SPAG16: variants seen among roughly 807,000 people sequenced by gnomAD.
SPAG16 encodes sperm-associated antigen 16 protein.
SPAG16 carries 86 observed loss-of-function variants against 80.4 expected under a neutral mutation model. That is an observed-to-expected ratio of 1.07 (90% CI 0.90 to 1.28). The LOEUF (loss-of-function observed/expected upper bound fraction) is 1.28, where lower values mean the gene tolerates loss of function less well. SPAG16 is among the 50% of genes most tolerant of loss of function. The pLI, the probability that SPAG16 is intolerant of heterozygous loss-of-function variation, is 0.00. For synonymous variants in SPAG16, 294 were observed against 265.9 expected (o/e 1.11, Z -1.03); for missense variants, 870 against 765.3 (o/e 1.14, Z -1.61).
intron 15 of SPAG16, among the ~76,000 whole-genome samples, chr2:214,276,055 C>G (rs1267223402): frequency 1.3e-5 from 2 of 152,162 alleles, no homozygotes; most frequent in East Asian, 1.9e-4. Flanking sequence ...TAATGGCCTT[C>G]TTTGTCTCAT....
chr2:213,496,552 C>T (rs903500229), intron 10 of SPAG16, among the ~76,000 whole-genome samples: 9 of 151,756 alleles, frequency 5.9e-5, no homozygotes, highest in Admixed American at 3.9e-4. Context: ...GAAACAGACA[C>T]CAGAAATAAA....
At chr2:214,180,747 A>G (rs1166882912) in intron 15 of SPAG16, among the ~76,000 whole-genome samples, 1 of 151,696 alleles carries the variant, frequency 6.6e-6, no homozygotes, top group African/African-American at 2.4e-5. Flanking sequence ...TCTTTGCAGT[A>G]TGGGCTCTGA....
At chr2:213,770,469 T>C (rs980744758) in intron 10 of SPAG16, among the ~76,000 whole-genome samples, 2 of 152,172 alleles carry the variant, frequency 1.3e-5, no homozygotes, top group African/African-American at 2.4e-5. Flanking sequence ...TTTAATTTAA[T>C]TTTAAGTTCC....
chr2:214,296,228 A>AATT, intron 15 of SPAG16, among the ~76,000 whole-genome samples: 1 of 152,344 alleles, frequency 6.6e-6, no homozygotes, highest in South Asian at 2.1e-4. Flanking sequence ...CAGAAAACAT[A>AATT]ATTTCATTCT....
At chr2:213,389,911 A>T (rs74654633) in intron 9 of SPAG16, among the ~76,000 whole-genome samples, 2,193 of 152,284 alleles carry the variant, frequency 0.014, 60 homozygotes, top group Non-Finnish European at 0.017. Flanking sequence ...TGAAAGCAGC[A>T]TGTTAAAAAG....
chr2:213,676,145 G>A (rs1189154280), intron 10 of SPAG16, among the ~76,000 whole-genome samples: 1 of 151,308 alleles, frequency 6.6e-6, no homozygotes, highest in East Asian at 1.9e-4. Flanking sequence ...TCTCTTTGAA[G>A]CAATTGTGAA....
chr2:214,400,599 C>T (rs1320279098), intron 15 of SPAG16, among the ~76,000 whole-genome samples: 1 of 151,802 alleles, frequency 6.6e-6, no homozygotes, highest in Non-Finnish European at 1.5e-5. Flanking sequence ...ACCAACAACC[C>T]CATAGATACA....
At chr2:214,180,564 T>G (rs916368878) in intron 15 of SPAG16, among the ~76,000 whole-genome samples, 4 of 150,474 alleles carry the variant, frequency 2.7e-5, no homozygotes, top group African/African-American at 9.7e-5. Flanking sequence ...GTAGTCAGTA[T>G]TCATCCTTCC....
chr2:213,912,511 C>T (rs1012274070), intron 11 of SPAG16, among the ~76,000 whole-genome samples: 2 of 152,104 alleles, frequency 1.3e-5, no homozygotes, highest in Non-Finnish European at 2.9e-5. Context: ...ATTTCTTCCT[C>T]GCTTCCTTAC....
At chr2:213,296,666 C>T (rs115677452) in intron 2 of SPAG16, among the ~76,000 whole-genome samples, 1 of 152,066 alleles carries the variant, frequency 6.6e-6, no homozygotes, top group Admixed American at 6.5e-5. Context: ...CCTGGGTGAG[C>T]AAGAGACAGG....
At position 214,118,029 on chromosome 2, in the gene SPAG16, G is replaced by A. The variant is rs116922552; in HGVS notation, c.1593+9768G>A. Among the ~76,000 whole-genome samples the A allele has an allele frequency of 1.4e-3, 208 of 152,166 alleles. 4 individuals are homozygous for A. The East Asian group carries it at 0.033, about 24-fold the overall frequency. On this transcript the variant is annotated intron_variant, in intron 14 of 15. Transcript: ENST00000331683. Reference sequence around the variant, plus strand: ...CAATTAGGCAGCAAAAAGAAATAACGCGCATCCAAATTGGAAAGGAGGAAG... The same window carrying A: ...CAATTAGGCAGCAAAAAGAAATAACACGCATCCAAATTGGAAAGGAGGAAG...
chr2:214,075,757 T>C (rs939696051), intron 13 of SPAG16, among the ~76,000 whole-genome samples: 7 of 152,180 alleles, frequency 4.6e-5, no homozygotes, highest in African/African-American at 1.7e-4. Flanking sequence ...GATTTATTTT[T>C]ATCTCAGTAT....
At chr2:214,024,090 C>T (rs1334087099) in intron 13 of SPAG16, among the ~76,000 whole-genome samples, 4 of 151,480 alleles carry the variant, frequency 2.6e-5, no homozygotes, top group Admixed American at 1.3e-4. Context: ...AATTCCCAAT[C>T]AATTATTTAG....
intron 15 of SPAG16, among the ~76,000 whole-genome samples, chr2:214,246,106 T>C (rs1297513206): frequency 6.6e-6 from 1 of 152,114 alleles, no homozygotes; most frequent in African/African-American, 2.4e-5. Flanking sequence ...TGAATTTTCT[T>C]CTAGAAACCT....
At chr2:214,320,607 G>T (rs971863459) in intron 15 of SPAG16, among the ~76,000 whole-genome samples, 7 of 152,226 alleles carry the variant, frequency 4.6e-5, no homozygotes, top group African/African-American at 1.7e-4. Flanking sequence ...AGAAGGTGAA[G>T]GGGAAGCAAG....
At chr2:213,992,170 A>G (rs115250155) in intron 12 of SPAG16, among the ~76,000 whole-genome samples, 3,763 of 152,244 alleles carry the variant, frequency 0.025, 150 homozygotes, top group African/African-American at 0.086. Context: ...GTTTTACTAC[A>G]TACTGTTTTC....
chr2:213,728,584 A>G (rs1427571005), intron 10 of SPAG16, among the ~76,000 whole-genome samples: 1 of 152,142 alleles, frequency 6.6e-6, no homozygotes, highest in East Asian at 1.9e-4. Flanking sequence ...TACAAAAAGG[A>G]GATGATGGTG....
chr2:213,831,246 G>T lies in SPAG16; in HGVS notation c.1071-31239G>T, dbSNP rs184308125. ...GTAGAGACGGGGTTTCACCATCTTG[G>T]CCAGGCTGGTCTCGAACTCCTGACC... On this transcript the variant is annotated intron_variant, in intron 10 of 15. Transcript: ENST00000331683. Among the ~76,000 whole-genome samples the T allele has an allele frequency of 8.9e-3, 1,345 of 151,626 alleles. 25 individuals are homozygous for T. Among genetic ancestry groups the T allele is most frequent in the African/African-American group, 0.029 (1,220 of 41,356 alleles).
chr2:214,015,430 C>T (rs2047540027), intron 13 of SPAG16, among the ~76,000 whole-genome samples: 1 of 152,026 alleles, frequency 6.6e-6, no homozygotes, highest in South Asian at 2.1e-4. Context: ...GAAACCCCAT[C>T]TCTACTGAAA....
Sources: allele counts gnomAD v4.1 joint callset (sites outside exome capture counted in the v4.1 genomes callset), GRCh38; gene constraint gnomAD v4.1.1; transcripts MANE v1.5; gene names NCBI Gene and HGNC (gene_info 2026-07-23, HGNC 2026-07-21).